ZNF749: variants seen among roughly 807,000 people sequenced by gnomAD.
The protein encoded by ZNF749 is zinc finger protein 749.
In ZNF749, 8 loss-of-function variants were observed where a neutral mutation model predicts 7.3. That is an observed-to-expected ratio of 1.10 (90% CI 0.64 to 1.98). The LOEUF is 1.98. ZNF749 is among the 30% of genes most tolerant of loss of function. The probability of loss-of-function intolerance (pLI) is 0.00; values close to 1 mark genes in which losing one functional copy is unlikely to be tolerated. For missense variants in ZNF749, 898 were observed against 932.4 expected (o/e 0.96, Z 0.48); for synonymous variants, 310 against 322.4 (o/e 0.96, Z 0.41).
chr19:57,443,932 A>G lies in ZNF749; in HGVS notation c.784A>G (p.Ile262Val), dbSNP rs2123106802. The part of the protein sequence containing the change: ...YEGTEYGKTF[I>V]RKSNLVQHQK... Reference sequence around the variant, plus strand: ...GGGCACTGAATATGGAAAGACCTTTATTAGAAAGTCCAACCTAGTTCAGCA... The same window carrying G: ...GGGCACTGAATATGGAAAGACCTTTGTTAGAAAGTCCAACCTAGTTCAGCA... The change falls in exon 3 of 3, where the codon ATT (isoleucine) becomes GTT (valine). Residue 262 changes from isoleucine (I) to valine (V), a missense_variant. Transcript: ENST00000334181. 1 of 1,613,898 alleles carries G rather than the reference A, an allele frequency of 6.2e-7. No individual in the cohort carries two copies. The highest frequency in any genetic ancestry group is 8.5e-7 in the Non-Finnish European group (1 of 1,179,864).
In ZNF749 at chr19:57,445,347, C is replaced by G. The variant is rs144642117; in HGVS notation, c.2199C>G (p.Phe733Leu). ...PFKLRECGKD[F>L]NKCNTGQRQK... is the part of the protein sequence containing the mutation. ...AGTTAAGGGAATGTGGGAAAGACTT[C>G]AACAAATGTAATACTGGTCAGCGCC... Residue 733 changes from phenylalanine (F) to leucine (L), a missense_variant, in exon 3 of 3, where the codon TTC (phenylalanine) becomes TTG (leucine). By Grantham distance (22) the Phe-to-Leu change is conservative. Transcript: ENST00000334181. 379 of 1,613,692 alleles carry G rather than the reference C, an allele frequency of 2.3e-4. 3 individuals carry two copies. The South Asian group carries it at 2.9e-3, about 12-fold the overall frequency.
rs1435677311 is a variant in ZNF749, at chr19:57,441,963, C to G, written c.94C>G (p.Leu32Val). 6 of 1,614,016 alleles carry G rather than the reference C, an allele frequency of 3.7e-6. No individual in the cohort carries two copies. Among genetic ancestry groups the G allele is most frequent in the Non-Finnish European group, 5.1e-6 (6 of 1,180,026 alleles). ...GATCCTTAATGATGCTCAGAGACAC[C>G]TGCACAGCAATGTGATGTTGGAGAA... Reference protein sequence around the residue: ...WGILNDAQRHLHSNVMLENFA... With the variant: ...WGILNDAQRHVHSNVMLENFA... The change falls in exon 2 of 3, where the codon CTG becomes GTG. Residue 32 changes from leucine to valine, a missense_variant. Transcript: ENST00000334181.
At chr19:57,431,884 G>A (rs958641609), upstream of ZNF749, among the ~76,000 whole-genome samples, 4 of 152,016 alleles carry the variant, frequency 2.6e-5, no homozygotes, top group Admixed American at 6.6e-5. Context: ...GTGCAATGGC[G>A]TGATCTTGGC....
At chr19:57,440,176 C>T (rs1325405572) in intron 1 of ZNF749, among the ~76,000 whole-genome samples, 1 of 152,016 alleles carries the variant, frequency 6.6e-6, no homozygotes, top group East Asian at 1.9e-4. Flanking sequence ...ACCAGGGTTT[C>T]ATGGTGAGTC....
upstream of ZNF749, among the ~76,000 whole-genome samples, chr19:57,431,637 T>C: frequency 6.6e-6 from 1 of 151,056 alleles, no homozygotes; most frequent in East Asian, 1.9e-4. Context: ...TCTTTCTGAA[T>C]GAATGCCTAA....
At chr19:57,435,754 C>T (rs986537360) in intron 1 of ZNF749, 161 bp downstream of exon 1, 4 of 1,354,874 alleles carry the variant, frequency 3.0e-6, no homozygotes, top group Non-Finnish European at 2.9e-6. Context: ...GGGGGAGCTC[C>T]CGTCGGAGAC....
chr19:57,444,911 A>G lies in ZNF749; in HGVS notation c.1763A>G (p.Glu588Gly). The change falls in exon 3 of 3, where the codon GAA (glutamate) becomes GGA (glycine). Residue 588 changes from glutamate to glycine, a missense_variant. Glu to Gly is a moderately conservative substitution (Grantham distance 98). Coordinates refer to ENST00000334181, the MANE Select transcript of ZNF749 (RefSeq NM_001023561.4). The part of the protein sequence containing the change: ...QTGERRYECN[E>G]CGKFFLDSYK... Reference sequence around the variant, plus strand: ...GGAGAACGGCGTTATGAATGCAATGAATGTGGGAAATTCTTTTTGGACAGC... The same window carrying G: ...GGAGAACGGCGTTATGAATGCAATGGATGTGGGAAATTCTTTTTGGACAGC... The G allele has an allele frequency of 1.9e-6, 3 of 1,614,148 alleles. No homozygotes were observed. The highest frequency in any genetic ancestry group is 2.5e-6 in the Non-Finnish European group (3 of 1,179,998).
chr19:57,444,860 T>C lies in ZNF749; in HGVS notation c.1712T>C (p.Leu571Pro), dbSNP rs7258248. The C allele has an allele frequency of 4.3e-6, 7 of 1,614,118 alleles. No individual in the cohort carries two copies. The African/African-American group carries it at 6.7e-5, about 15-fold the overall frequency. The change falls in exon 3 of 3, where the codon CTA (leucine) becomes CCA (proline). Residue 571 changes from leucine (L) to proline (P), a missense_variant. By Grantham distance (98) the Leu-to-Pro change is moderately conservative. Transcript: ENST00000334181. Reference sequence around the variant, plus strand: ...AAGGCCTTCCTTACACAGGCTCATCTAGATGGTCACCAGAAAATCCAGACT... The same window carrying C: ...AAGGCCTTCCTTACACAGGCTCATCCAGATGGTCACCAGAAAATCCAGACT... ...CGKAFLTQAH[L>P]DGHQKIQTGE...
chr19:57,430,721 AG>A (rs1364299058), upstream of ZNF749, among the ~76,000 whole-genome samples: 1 of 152,112 alleles, frequency 6.6e-6, no homozygotes, highest in East Asian at 1.9e-4. Flanking sequence ...GCCTGGGCAA[AG>A]GATAGAAGAG....
rs1248008132 is a variant in ZNF749 at position 57,443,863 on chromosome 19, C to T, written c.715C>T (p.Leu239Phe). 6.2e-7 allele frequency: 1 copy of T among 1,613,712 alleles called. No individual in the cohort carries two copies. Among genetic ancestry groups the T allele is most frequent in the Non-Finnish European group, 8.5e-7 (1 of 1,179,678 alleles). The change falls in exon 3 of 3, where the codon CTT becomes TTT. Residue 239 changes from leucine to phenylalanine, a missense_variant. Leu to Phe is a conservative substitution (Grantham distance 22, BLOSUM62 0). Transcript: ENST00000334181. ...CGELFRYNSN[L>F]IKYQQNHAGE... The stretch of plus-strand genomic sequence containing the variant: ...GGAATTGTTTAGGTACAACTCCAAC[C>T]TTATTAAATATCAGCAAAATCATGC...
At position 57,443,291 on chromosome 19, in the gene ZNF749, G is replaced by GAA. The variant is rs2089012344; in HGVS notation, c.143_144insAA (p.Cys49IlefsTer19). 6.3e-7 allele frequency: 1 copy of GAA among 1,593,082 alleles called. No individual in the cohort carries two copies. Among genetic ancestry groups the GAA allele is most frequent in the Admixed American group, 1.7e-5 (1 of 58,528 alleles). The stretch of plus-strand genomic sequence containing the variant: ...TTCACCAGCATTTCTGTTCTTACAG[G>GAA]TTGTTGGCATGGAGCCAAGGATGAG... On this transcript the variant is annotated frameshift_variant and splice_region_variant, in exon 3 of 3. Transcript: ENST00000334181. LOFTEE classifies it low-confidence loss of function (END_TRUNC).
chr19:57,441,575 C>T (rs997312575), intron 1 of ZNF749, among the ~76,000 whole-genome samples: 4 of 151,812 alleles, frequency 2.6e-5, no homozygotes, highest in Non-Finnish European at 4.4e-5. Flanking sequence ...GGGGTTTTGG[C>T]AGGAAAGGCA....
At chr19:57,429,227 T>C in the ZNF749 span, among the ~76,000 whole-genome samples, 29 of 152,126 alleles carry the variant, frequency 1.9e-4, no homozygotes, top group Admixed American at 1.8e-3. This position sits in a 1 kb window ranked among gnomAD's most constrained non-coding sequence, Gnocchi z 4.2. Flanking sequence ...GGTTTTGCCA[T>C]ATTGGCCGGG....
rs899085733 is a variant in ZNF749, at chr19:57,436,747, C to G, written c.15+1154C>G. ...TTACTGCATTATATGGCAGGCTGAC[C>G]TGTTTGCTGAACGGACCAGTAACTG... On this transcript the variant is annotated intron_variant, in intron 1 of 2. Coordinates refer to ENST00000334181, the MANE Select transcript of ZNF749 (RefSeq NM_001023561.4). The surrounding 1 kb of genome is among the most constrained non-coding windows in gnomAD (Gnocchi z 4.0). Among the ~76,000 whole-genome samples, 1 of 152,230 alleles carries G rather than the reference C, an allele frequency of 6.6e-6. No individual in the cohort carries two copies. Among genetic ancestry groups the G allele is most frequent in the African/African-American group, 2.4e-5 (1 of 41,462 alleles).
At chr19:57,440,983 G>A (rs1485146704) in intron 1 of ZNF749, among the ~76,000 whole-genome samples, 4 of 151,854 alleles carry the variant, frequency 2.6e-5, no homozygotes, top group Admixed American at 1.3e-4. Context: ...AAAATTAGCC[G>A]GGAGTGGTGG....
chr19:57,431,935 GCCTCAGCAT>G (rs2088900709), upstream of ZNF749, among the ~76,000 whole-genome samples: 1 of 152,242 alleles, frequency 6.6e-6, no homozygotes, highest in African/African-American at 2.4e-5. Context: ...CAATTCTCCT[GCCTCAGCAT>G]CCCGAGTAGC....
Position 57,435,540 on chromosome 19 carries a change from C to G in ZNF749, c.-39C>G, listed in dbSNP as rs755583727. 1 of 1,595,846 alleles carries G rather than the reference C, an allele frequency of 6.3e-7. No homozygotes were observed. The highest frequency in any genetic ancestry group is 1.1e-5 in the South Asian group (1 of 88,218). ...AGCGTCCAGGTGACCGCCGTTCCCG[C>G]CCCGCTCTTCCCTGGGTGGACTGGA... On this transcript the variant is annotated 5_prime_UTR_variant, in exon 1 of 3. Coordinates refer to ENST00000334181, the MANE Select transcript of ZNF749 (RefSeq NM_001023561.4).
chr19:57,435,210 A>C (rs1350367730), upstream of ZNF749: 1 of 379,546 alleles, frequency 2.6e-6, no homozygotes, highest in Non-Finnish European at 4.9e-6. Flanking sequence ...TGCGGGCGAC[A>C]CAGGCAGCAA....
chr19:57,444,394 G>A lies in ZNF749; in HGVS notation c.1246G>A (p.Gly416Arg), dbSNP rs775626887. ...AAGGCTTTATAAGTGTAGCGAATGT[G>A]GGAAAGCCTTTAGCCTCAAACATAA... ...GKRLYKCSECGKAFSLKHNVV... is the reference protein window; with the variant it reads ...GKRLYKCSECRKAFSLKHNVV... Residue 416 changes from glycine (G) to arginine (R), a missense_variant, in exon 3 of 3, where the codon GGG becomes AGG. By Grantham distance (125) the Gly-to-Arg change is moderately radical. Transcript: ENST00000334181. 5.0e-6 allele frequency: 8 copies of A among 1,614,048 alleles called. No individual in the cohort carries two copies. The highest frequency in any genetic ancestry group is 5.9e-6 in the Non-Finnish European group (7 of 1,179,946).
Sources: gnomAD v4.1 joint callset for allele counts (sites outside exome capture counted in the v4.1 genomes callset) on GRCh38, gnomAD v4.1.1 for gene constraint, Gnocchi (gnomAD v3.1) non-coding constraint, MANE v1.5 for transcripts, NCBI Gene and HGNC (gene_info 2026-07-23, HGNC 2026-07-21) for gene names.